TBC1D5: variants seen among roughly 807,000 people sequenced by gnomAD.
TBC1D5 encodes the protein TBC1 domain family member 5, also known as TBC1 domain family, member 5.
A neutral mutation model predicts 100.3 loss-of-function variants in TBC1D5; 75 were observed. The ratio of observed to expected loss-of-function variants is 0.75; its 90% CI spans 0.62 to 0.91. TBC1D5 has a LOEUF of 0.91. TBC1D5 is among the 40% of genes least tolerant of loss of function. The pLI is 0.00. For synonymous variants in TBC1D5, 323 were observed against 325.6 expected, an observed-to-expected ratio of 0.99 and a Z score of 0.09; for missense variants, 910 against 942.4, an observed-to-expected ratio of 0.97 and a Z score of 0.45.
chr3:17,160,015 C>T (rs961724950), exon 22 of TBC1D5: 1 of 152,186 alleles, frequency 6.6e-6, no homozygotes, highest in African/African-American at 2.4e-5. Flanking sequence ...CAGGTATATA[C>T]AGCTCTGAAA....
At chr3:17,571,050 T>C (rs924648278) in intron 2 of TBC1D5, among the ~76,000 whole-genome samples, 2 of 151,736 alleles carry the variant, frequency 1.3e-5, no homozygotes, top group Non-Finnish European at 2.9e-5. Context: ...CTCAAAAGAG[T>C]TGAGAAATAC....
intron 5 of TBC1D5, among the ~76,000 whole-genome samples, chr3:17,406,203 T>C (rs2093764925): frequency 6.6e-6 from 1 of 152,114 alleles, no homozygotes. Flanking sequence ...ATAGTTTTTT[T>C]ATATGACTCT....
chr3:17,720,336 T>C (rs918876909), intron 1 of TBC1D5, among the ~76,000 whole-genome samples: 1 of 152,206 alleles, frequency 6.6e-6, no homozygotes, highest in African/African-American at 2.4e-5. Flanking sequence ...AACCTCTGCA[T>C]TGTCTTTATA....
At chr3:17,179,457 T>C (rs2068193283) in intron 19 of TBC1D5, among the ~76,000 whole-genome samples, 1 of 152,236 alleles carries the variant, frequency 6.6e-6, no homozygotes, top group Non-Finnish European at 1.5e-5. Context: ...TGCATAAATA[T>C]TATGACAAGT....
intron 18 of TBC1D5, among the ~76,000 whole-genome samples, chr3:17,203,132 A>G (rs1439538120): frequency 2.0e-5 from 3 of 152,208 alleles, no homozygotes; most frequent in Non-Finnish European, 4.4e-5. Flanking sequence ...GGAGATCCCC[A>G]AGGCCTTGGA....
At chr3:17,214,649 A>G (rs1482817413) in intron 17 of TBC1D5, among the ~76,000 whole-genome samples, 1 of 152,132 alleles carries the variant, frequency 6.6e-6, no homozygotes, top group African/African-American at 2.4e-5. Context: ...TAAAAAAAAA[A>G]AAAAATCAAA....
At chr3:17,397,434 T>TACTGCCTGA (rs2093537796) in intron 8 of TBC1D5, among the ~76,000 whole-genome samples, 1 of 152,160 alleles carries the variant, frequency 6.6e-6, no homozygotes, top group African/African-American at 2.4e-5. Flanking sequence ...TGCACTGGCA[T>TACTGCCTGA]GACCACAGCT....
At chr3:17,703,903 GTTTTTTT>G (rs36000123) in intron 1 of TBC1D5, among the ~76,000 whole-genome samples, 2 of 145,112 alleles carry the variant, frequency 1.4e-5, no homozygotes, top group African/African-American at 2.5e-5. Context: ...TGATATTTGT[GTTTTTTT>G]TTTGTTTTTT....
intron 1 of TBC1D5, among the ~76,000 whole-genome samples, chr3:17,730,111 CA>C (rs879311719): frequency 7.3e-4 from 98 of 134,172 alleles, no homozygotes; most frequent in South Asian, 2.5e-3. Context: ...AACTCCATCT[CA>C]AAAAAAAAAA....
chr3:17,463,943 CTTTTTTTTT>C (rs1025162858), intron 3 of TBC1D5, among the ~76,000 whole-genome samples: 1 of 87,530 alleles, frequency 1.1e-5, no homozygotes. Context: ...TTCCTTATTC[CTTTTTTTTT>C]TTTTTTTTTT....
chr3:17,440,313 C>A (rs2094624213), intron 3 of TBC1D5, among the ~76,000 whole-genome samples: 2 of 150,436 alleles, frequency 1.3e-5, no homozygotes, highest in Admixed American at 6.6e-5. Context: ...CTTTATCCCC[C>A]AAAAAAAAAC....
In TBC1D5 at chr3:17,488,483, G is replaced by A. The variant is rs141700634; in HGVS notation, c.97+19991C>T. 3.5e-3 allele frequency among the ~76,000 whole-genome samples: 527 copies of A among 152,202 alleles called. 3 individuals are homozygous for A. The highest frequency in any genetic ancestry group is 0.012 in the African/African-American group (512 of 41,520). ...TAGACGTAAGTTTTCAACACACTTG[G>A]GTAAATACCAAGGAGCAAAACTGCT... is the stretch of plus-strand genomic sequence containing the variant. On this transcript the variant is annotated intron_variant, in intron 3 of 21. Coordinates refer to ENST00000253692, the Ensembl canonical transcript of TBC1D5.
chr3:17,430,644 G>A (rs2094432998), intron 3 of TBC1D5, among the ~76,000 whole-genome samples: 1 of 151,854 alleles, frequency 6.6e-6, no homozygotes. Flanking sequence ...TTTGAAGCGG[G>A]AAAAACGCTT....
At chr3:17,213,803 T>C (rs766006666) in intron 18 of TBC1D5, among the ~76,000 whole-genome samples, 2 of 149,778 alleles carry the variant, frequency 1.3e-5, no homozygotes, top group Non-Finnish European at 3.0e-5. Flanking sequence ...GTAGTTTGTA[T>C]AGCTTTTTAA....
chr3:17,280,412 T>C (rs532984758), intron 15 of TBC1D5, among the ~76,000 whole-genome samples: 1 of 152,248 alleles, frequency 6.6e-6, no homozygotes, highest in Admixed American at 6.5e-5. Context: ...AAGTTGCCTT[T>C]TCCAAAACCA....
intron 9 of TBC1D5, among the ~76,000 whole-genome samples, chr3:17,377,023 C>T (rs1245257878): frequency 2.0e-5 from 3 of 152,114 alleles, no homozygotes; most frequent in African/African-American, 7.2e-5. Flanking sequence ...AAGGAAATTA[C>T]ATCCAATGTT....
Position 17,532,475 on chromosome 3 carries a change from C to G in TBC1D5, c.-35-23870G>C, listed in dbSNP as rs577580424. On this transcript the variant is annotated intron_variant, in intron 2 of 21. Transcript: ENST00000253692. Reference sequence around the variant, plus strand: ...TAGAAATACCATTTGACCCAGCCATCCCATTACTGGGTGTATACCCAAAGG... The same window carrying G: ...TAGAAATACCATTTGACCCAGCCATGCCATTACTGGGTGTATACCCAAAGG... Among the ~76,000 whole-genome samples the G allele has an allele frequency of 8.5e-5, 13 of 152,266 alleles. No individual in the cohort carries two copies. In the South Asian group the frequency reaches 2.7e-3, roughly 32 times the overall value.
intron 1 of TBC1D5, among the ~76,000 whole-genome samples, chr3:17,632,788 T>G (rs1024541609): frequency 6.6e-6 from 1 of 152,198 alleles, no homozygotes; most frequent in African/African-American, 2.4e-5. Flanking sequence ...TTTTTACACA[T>G]AATGCTATTA....
intron 19 of TBC1D5, among the ~76,000 whole-genome samples, chr3:17,170,409 T>C (rs1341430760): frequency 6.6e-6 from 1 of 152,032 alleles, no homozygotes; most frequent in Non-Finnish European, 1.5e-5. Flanking sequence ...CTAAAGAAAG[T>C]CCCCCTGGAG....
Sources: gnomAD v4.1 joint callset for allele counts (sites outside exome capture counted in the v4.1 genomes callset) on GRCh38, gnomAD v4.1.1 for gene constraint, MANE v1.5 for transcripts, NCBI Gene and HGNC (gene_info 2026-07-23, HGNC 2026-07-21) for gene names.